SP110: variants seen among roughly 807,000 people sequenced by gnomAD.
SP110 encodes the protein interferon-induced protein 41, 30kD.
A neutral mutation model predicts 92.7 loss-of-function variants in SP110; 62 were observed. The ratio of observed to expected loss-of-function variants is 0.67; its 90% confidence interval spans 0.55 to 0.83. The LOEUF is 0.83. Among genes scored for constraint, SP110 ranks in the 40% least tolerant of loss-of-function variants. The probability of loss-of-function intolerance (pLI) is 0.00; values close to 1 mark genes in which losing one functional copy is unlikely to be tolerated. For synonymous variants in SP110, 273 were observed against 305.3 expected (o/e 0.89, Z 1.10); for missense variants, 793 against 863.9 (o/e 0.92, Z 1.03).
chr2:230,186,563 G>A (rs1172505900), intron 10 of SP110, among the ~76,000 whole-genome samples: 1 of 152,140 alleles, frequency 6.6e-6, no homozygotes, highest in African/African-American at 2.4e-5. Context: ...TTACATGGAT[G>A]AATTATATAA....
rs1560518529 is a variant in SP110 at position 230,169,242 on chromosome 2, A to G, written c.2029-5T>C. The G allele has an allele frequency of 6.7e-7, 1 of 1,497,376 alleles. No homozygotes were observed. The highest frequency in any genetic ancestry group is 9.3e-7 in the Non-Finnish European group (1 of 1,073,438). 92.8% of individuals were successfully genotyped at this position (1,497,376 alleles called of 1,614,324 possible). The stretch of plus-strand genomic sequence containing the variant: ...TACCTGGCCAAAGTCAGAAGCCTGA[A>G]AGAGAAAAAAGCAAACAAACACATT... On this transcript the variant is annotated splice_polypyrimidine_tract_variant and splice_region_variant and intron_variant, in intron 18 of 18. Transcript: ENST00000258381.
rs7583955 is a variant in SP110, at chr2:230,168,572, A to C, written c.*552T>G. The C allele has an allele frequency of 0.66, 100,982 of 152,592 alleles. 33,881 individuals are homozygous for C. The highest frequency in any genetic ancestry group is 0.72 in the Middle Eastern group (212 of 294). The allele number at this position is 152,592 out of a possible 1,614,324, so 9.5% of individuals were successfully genotyped here. ...CCCCTGTGAAGCCTGCATGTGCCCC[A>C]AAACCCCCAAATCAAAACAAACCCC... is the stretch of plus-strand genomic sequence containing the variant. On this transcript the variant is annotated 3_prime_UTR_variant, in exon 19 of 19. Transcript: ENST00000258381.
intron 7 of SP110, among the ~76,000 whole-genome samples, chr2:230,209,429 A>G (rs757200209): frequency 1.7e-4 from 26 of 152,142 alleles, no homozygotes; most frequent in Non-Finnish European, 3.2e-4. Context: ...ATTGGATGAT[A>G]TTGATGATGA....
intron 10 of SP110, 165 bp downstream of exon 10, chr2:230,200,719 TA>T (rs2043091898): frequency 1.5e-6 from 1 of 656,520 alleles, no homozygotes; most frequent in African/African-American, 1.8e-5. Context: ...TTTGTAGTAG[TA>T]AATATCATGG....
At chr2:230,169,439 C>T (rs942998233) in intron 18 of SP110, among the ~76,000 whole-genome samples, 1 of 152,164 alleles carries the variant, frequency 6.6e-6, no homozygotes, top group Non-Finnish European at 1.5e-5. Flanking sequence ...TCCTGAGAAG[C>T]TGAAACTACA....
At chr2:230,210,153 G>A (rs764784974) in intron 6 of SP110, 145 bp from the exon 7 acceptor site, 69 of 732,672 alleles carry the variant, frequency 9.4e-5, no homozygotes, top group Non-Finnish European at 1.4e-4. Flanking sequence ...CCCTGGCTCT[G>A]TCTTGATTTT....
rs2078338648 is a variant in SP110 at position 230,168,085 on chromosome 2, GGTGACAGA to G, written c.*1031_*1038del. ...GATGACGCTACTGTACTCCGGCCTG[GGTGACAGA>G]GTGAGACTCTGTCTCAAAAAAAAAA... On this transcript the variant is annotated 3_prime_UTR_variant, in exon 19 of 19. Transcript: ENST00000258381. 7.9e-6 allele frequency: 1 copy of G among 126,878 alleles called. No individual in the cohort carries two copies. Among genetic ancestry groups the G allele is most frequent in the Admixed American group, 9.1e-5 (1 of 11,002 alleles). 7.9% of individuals were successfully genotyped at this position (126,878 alleles called of 1,614,324 possible).
chr2:230,216,728 T>C (rs2045222879), intron 2 of SP110, 53 bp downstream of exon 2: 1 of 1,605,286 alleles, frequency 6.2e-7, no homozygotes, highest in South Asian at 1.1e-5. Flanking sequence ...ACTTTAATAA[T>C]CAGGCATATT....
In SP110 at chr2:230,217,077, C is replaced by T. The variant is rs1044062749; in HGVS notation, c.-1-149G>A. On this transcript the variant is annotated intron_variant, in intron 1 of 18. Coordinates refer to ENST00000258381, the MANE Select transcript of SP110 (RefSeq NM_080424.4). ...CCTGGCCAACATGGTGAAACTCTGT[C>T]TCTACTAAAAATACAAAAATTAGCT... 7 of 629,604 alleles carry T rather than the reference C, an allele frequency of 1.1e-5. No homozygotes were observed. The Admixed American group carries it at 1.2e-4, about 11-fold the overall frequency. 39.0% of individuals were successfully genotyped at this position (629,604 alleles called of 1,614,324 possible).
intron 8 of SP110, among the ~76,000 whole-genome samples, chr2:230,206,600 T>C (rs1386565118): frequency 2.7e-5 from 1 of 37,216 alleles, no homozygotes; most frequent in Non-Finnish European, 4.7e-5. Flanking sequence ...AGATTTTATA[T>C]ATATATATAT....
At chr2:230,190,616 C>T (rs2042578859) in intron 10 of SP110, among the ~76,000 whole-genome samples, 1 of 152,076 alleles carries the variant, frequency 6.6e-6, no homozygotes, top group African/African-American at 2.4e-5. Context: ...GCTTTTTTAT[C>T]ATGAAGACTT....
chr2:230,177,503 A>G (rs746571713), intron 14 of SP110, 35 bp downstream of exon 14: 1 of 1,610,036 alleles, frequency 6.2e-7, no homozygotes, highest in Non-Finnish European at 8.5e-7. Flanking sequence ...TCAAGGATTT[A>G]AACCTGTCAC....
At position 230,173,007 on chromosome 2, in the gene SP110, G is replaced by A. The variant is rs750920331; in HGVS notation, c.1591-48C>T. 8 of 1,228,482 alleles carry A rather than the reference G, an allele frequency of 6.5e-6. No homozygotes were observed. In the East Asian group the frequency reaches 9.4e-5, roughly 14 times the overall value. 76.1% of individuals were successfully genotyped at this position (1,228,482 alleles called of 1,614,324 possible). A position where few individuals can be genotyped will look rare whatever the true frequency, so the allele number is the denominator to read the frequency against. On this transcript the variant is annotated intron_variant, in intron 14 of 18. Coordinates refer to ENST00000258381, the MANE Select transcript of SP110 (RefSeq NM_080424.4). ...CACCGCTAGGACCATGGAGACCCAC[G>A]AATGCTGACCCTGTGGGGTTCTAGA...
intron 1 of SP110, among the ~76,000 whole-genome samples, chr2:230,219,253 A>G (rs577329180): frequency 1.3e-5 from 2 of 152,230 alleles, no homozygotes; most frequent in Non-Finnish European, 2.9e-5. Flanking sequence ...ACAACCAAAA[A>G]AAGTGTAAAT....
chr2:230,198,373 G>A (rs2148833311), intron 10 of SP110, among the ~76,000 whole-genome samples: 1 of 152,280 alleles, frequency 6.6e-6, no homozygotes, highest in South Asian at 2.1e-4. Context: ...TGTCTGGGAA[G>A]GGGAGAAGAA....
chr2:230,213,002 G>T lies in SP110; in HGVS notation c.342C>A (p.Ser114Arg), dbSNP rs1559178549. ...KRVGASYEWQSRDTPILLEAP... is the reference protein window; with the variant it reads ...KRVGASYEWQRRDTPILLEAP... Reference sequence around the variant, plus strand: ...CTTCAAGTAGGATTGGTGTGTCTCTGCTCTGCCATTCATAGGAAGCACCAA... The same window carrying T: ...CTTCAAGTAGGATTGGTGTGTCTCTTCTCTGCCATTCATAGGAAGCACCAA... The change falls in exon 4 of 19, where the codon AGC becomes AGA. Residue 114 changes from serine (S) to arginine (R), a missense_variant. Physicochemically the swap from Ser to Arg is moderately radical, Grantham distance 110 (BLOSUM62 -1). Coordinates refer to ENST00000258381, the MANE Select transcript of SP110 (RefSeq NM_080424.4). The T allele has an allele frequency of 6.2e-7, 1 of 1,613,934 alleles. No homozygotes were observed. The highest frequency in any genetic ancestry group is 8.5e-7 in the Non-Finnish European group (1 of 1,179,988).
rs1481147299 is a variant in SP110, at chr2:230,178,236, A to G, written c.1368T>C (p.Thr456=). Residue 456 remains threonine, a synonymous_variant, in exon 13 of 19, where the codon ACT becomes ACC. Coordinates refer to ENST00000258381, the MANE Select transcript of SP110 (RefSeq NM_080424.4). ...GGAGCTTAGAACAGTGAAAATCCAC[A>G]GTGTCACTTTTGGGTTTTCCTTAAA... ...IHRRGKPKSD[T]VDFHCSKLPV... The G allele has an allele frequency of 1.2e-6, 2 of 1,612,222 alleles. No homozygotes were observed. Among genetic ancestry groups the G allele is most frequent in the South Asian group, 1.1e-5 (1 of 90,966 alleles).
intron 17 of SP110, 90 bp downstream of exon 17, chr2:230,171,606 G>T: frequency 2.0e-6 from 2 of 1,000,364 alleles, no homozygotes; most frequent in Non-Finnish European, 3.2e-6. Flanking sequence ...CTGTTCTCCA[G>T]CTTCCTGAGC....
chr2:230,223,142 T>G (rs2045961654), upstream of SP110, among the ~76,000 whole-genome samples: 1 of 152,022 alleles, frequency 6.6e-6, no homozygotes, highest in Non-Finnish European at 1.5e-5. Flanking sequence ...GTTCAAGTGA[T>G]TCTCTTTCCT....
Sources: allele counts gnomAD v4.1 joint callset (sites outside exome capture counted in the v4.1 genomes callset), GRCh38; gene constraint gnomAD v4.1.1; transcripts MANE v1.5; gene names NCBI Gene and HGNC (gene_info 2026-07-23, HGNC 2026-07-21).